SMAD6: variants seen among roughly 807,000 people sequenced by gnomAD.
SMAD6 encodes SMAD family member 6, also known as MAD homolog 6.
Under a neutral mutation model 39.4 loss-of-function variants are expected in SMAD6, and 103 were observed. The observed-to-expected ratio is 2.62, with a 90% CI of 2.23 to 3.08. The LOEUF (loss-of-function observed/expected upper bound fraction) is 3.08, where lower values mean the gene tolerates loss of function less well. SMAD6 is among the 30% of genes most tolerant of loss of function. The pLI is 0.00. For synonymous variants in SMAD6, 445 were observed against 353.3 expected, an observed-to-expected ratio of 1.26 and a Z score of -2.91; for missense variants, 1,104 against 742.9, an observed-to-expected ratio of 1.49 and a Z score of -5.65.
In SMAD6 at chr15:66,777,131, G is replaced by A. The variant is rs74534365; in HGVS notation, c.953-3866G>A. ...GGTTTGTGGAAGCCTGAAGTGTTGG[G>A]TCTCACTGGATAAGATAATGTCAGC... is the stretch of plus-strand genomic sequence containing the variant. On this transcript the variant is annotated intron_variant, in intron 3 of 3. Coordinates refer to ENST00000288840, the MANE Select transcript of SMAD6 (RefSeq NM_005585.5). Among the ~76,000 whole-genome samples the A allele has an allele frequency of 8.0e-3, 1,218 of 152,294 alleles. 96 individuals are homozygous for A. In the East Asian group the frequency reaches 0.17, roughly 22 times the overall value.
At chr15:66,752,057 T>C (rs1894016750) in intron 3 of SMAD6, among the ~76,000 whole-genome samples, 2 of 151,750 alleles carry the variant, frequency 1.3e-5, no homozygotes, top group Non-Finnish European at 1.5e-5. Flanking sequence ...TTTTTTTTTT[T>C]TTCAGGCAGT....
At chr15:66,773,216 T>A (rs939697328) in intron 3 of SMAD6, among the ~76,000 whole-genome samples, 2 of 4,216 alleles carry the variant, frequency 4.7e-4, no homozygotes, top group Admixed American at 5.4e-3. Flanking sequence ...AGGTGGGGGG[T>A]GGGGAGGGGT....
chr15:66,772,706 A>C (rs1337651862), intron 3 of SMAD6, among the ~76,000 whole-genome samples: 5 of 152,246 alleles, frequency 3.3e-5, no homozygotes, highest in Non-Finnish European at 5.9e-5. Flanking sequence ...GTTACAGGTT[A>C]GGAAACTGAG....
chr15:66,704,096 G>A (rs1263899491), intron 1 of SMAD6, 21 bp downstream of exon 1: 2 of 1,406,892 alleles, frequency 1.4e-6, no homozygotes, highest in African/African-American at 3.0e-5. Context: ...TGCGCCGGCC[G>A]GGGGGGCCCC....
chr15:66,733,709 A>G (rs1381262753), intron 3 of SMAD6, among the ~76,000 whole-genome samples: 1 of 152,182 alleles, frequency 6.6e-6, no homozygotes, highest in African/African-American at 2.4e-5. Context: ...AAAGTGAAGA[A>G]TTTATTTATT....
chr15:66,730,619 G>T (rs2414911), intron 3 of SMAD6, among the ~76,000 whole-genome samples: 109,416 of 151,386 alleles, frequency 0.72, 39,484 homozygotes, highest in East Asian at 0.84. Context: ...CCATGAGTCA[G>T]TCCTGGCTTT....
At chr15:66,755,071 GT>G (rs568643154) in intron 3 of SMAD6, among the ~76,000 whole-genome samples, 2 of 151,780 alleles carry the variant, frequency 1.3e-5, no homozygotes, top group African/African-American at 4.8e-5. Flanking sequence ...GTCCATATTT[GT>G]TTTTTTTCTA....
intron 1 of SMAD6, chr15:66,704,860 G>A (rs1595758333): frequency 6.5e-6 from 1 of 152,694 alleles, no homozygotes; most frequent in Non-Finnish European, 1.5e-5. Context: ...TCCTGCACAC[G>A]CCCCACCCTC....
intron 3 of SMAD6, among the ~76,000 whole-genome samples, chr15:66,744,117 C>T (rs79937131): frequency 2.8e-3 from 427 of 152,268 alleles, no homozygotes; most frequent in Non-Finnish European, 4.3e-3. Context: ...AGGCTGTATC[C>T]GTTTTCTCTC....
intron 3 of SMAD6, among the ~76,000 whole-genome samples, chr15:66,734,365 G>A (rs1893678858): frequency 6.6e-6 from 1 of 152,190 alleles, no homozygotes; most frequent in Admixed American, 6.5e-5. Flanking sequence ...CATTCGCCCT[G>A]CCTCTGGGAG....
At chr15:66,713,514 T>C in intron 2 of SMAD6, among the ~76,000 whole-genome samples, 1 of 152,078 alleles carries the variant, frequency 6.6e-6, no homozygotes, top group East Asian at 1.9e-4. Context: ...GAGATGGAGT[T>C]TTACCATATT....
Position 66,781,247 on chromosome 15 carries a change from G to T in SMAD6, c.1203G>T (p.Trp401Cys). The change falls in exon 4 of 4, where the codon TGG becomes TGT. Residue 401 changes from tryptophan (W) to cysteine (C), a missense_variant. Transcript: ENST00000288840. ...ILLSKEPDGV[W>C]AYNRGEHPIF... Reference sequence around the variant, plus strand: ...TCAGCAAGGAGCCCGACGGCGTGTGGGCCTACAACCGCGGCGAGCACCCCA... The same window carrying T: ...TCAGCAAGGAGCCCGACGGCGTGTGTGCCTACAACCGCGGCGAGCACCCCA... The T allele has an allele frequency of 6.2e-7, 1 of 1,608,582 alleles. No individual in the cohort carries two copies.
intron 3 of SMAD6, among the ~76,000 whole-genome samples, chr15:66,754,110 CAG>C (rs771851750): frequency 3.3e-5 from 5 of 152,214 alleles, no homozygotes; most frequent in Admixed American, 6.5e-5. Context: ...TCTTCAAAAA[CAG>C]GGGCATATTT....
rs930507320 is a variant in SMAD6 at position 66,702,705 on chromosome 15, T to C, written c.-554T>C. The C allele has an allele frequency of 1.3e-5, 2 of 152,186 alleles. No individual in the cohort carries two copies. Among genetic ancestry groups the C allele is most frequent in the Admixed American group, 6.5e-5 (1 of 15,284 alleles). The allele number at this position is 152,186 out of a possible 1,614,324, so 9.4% of individuals were successfully genotyped here. A position where few individuals can be genotyped will look rare whatever the true frequency, so the allele number is the denominator to read the frequency against. ...TTTGTTTGGGATTTCCTTTTCTTTC[T>C]TTCCTTTTTTTTTTCTTTTTGCAGG... On this transcript the variant is annotated 5_prime_UTR_variant, in exon 1 of 4. Transcript: ENST00000288840.
rs2278602 is a variant in SMAD6 at position 66,711,996 on chromosome 15, G to A, written c.874+272G>A. 0.2 allele frequency among the ~76,000 whole-genome samples: 30,901 copies of A among 152,180 alleles called. 3,388 individuals carry two copies. The highest frequency in any genetic ancestry group is 0.35 in the Admixed American group (5,350 of 15,284). On this transcript the variant is annotated intron_variant, in intron 2 of 3. Coordinates refer to ENST00000288840, the MANE Select transcript of SMAD6 (RefSeq NM_005585.5). ...TGACCTTTTTAAACATGGGCCTGTC[G>A]AAGATGAATGGGTTTTGACTTATGC...
chr15:66,754,734 T>C (rs1894067668), intron 3 of SMAD6, among the ~76,000 whole-genome samples: 1 of 152,204 alleles, frequency 6.6e-6, no homozygotes. Flanking sequence ...ATCCCCATTT[T>C]ACAGATGGAT....
chr15:66,725,174 T>C (rs943280801), intron 3 of SMAD6, among the ~76,000 whole-genome samples: 2 of 152,198 alleles, frequency 1.3e-5, no homozygotes, highest in African/African-American at 4.8e-5. Context: ...GATGTTTTTA[T>C]ATTAAACATT....
chr15:66,756,411 G>A (rs888603252), intron 3 of SMAD6, among the ~76,000 whole-genome samples: 1 of 152,068 alleles, frequency 6.6e-6, no homozygotes, highest in Non-Finnish European at 1.5e-5. Flanking sequence ...ATGAAATCCT[G>A]CTATTCCGTT....
At chr15:66,736,878 C>G (rs1248286801) in intron 3 of SMAD6, among the ~76,000 whole-genome samples, 1 of 152,158 alleles carries the variant, frequency 6.6e-6, no homozygotes. Context: ...CCATGTTGGC[C>G]AGGATGGTCT....
Sources: gnomAD v4.1 joint callset for allele counts (sites outside exome capture counted in the v4.1 genomes callset) on GRCh38, gnomAD v4.1.1 for gene constraint, MANE v1.5 for transcripts, NCBI Gene and HGNC (gene_info 2026-07-23, HGNC 2026-07-21) for gene names.